AKAP13: variants seen among roughly 807,000 people sequenced by gnomAD.
The protein encoded by AKAP13 is A-kinase anchor protein 13.
A neutral mutation model predicts 264.5 loss-of-function variants in AKAP13; 80 were observed. The ratio of observed to expected loss-of-function variants is 0.30; its 90% CI spans 0.25 to 0.36. The LOEUF is 0.36. Ranked by LOEUF, AKAP13 falls within the 10% of genes least tolerant of loss-of-function variation. AKAP13 has a pLI of 1.00. For missense variants in AKAP13, 3,712 were observed against 3,435.2 expected, an observed-to-expected ratio of 1.08 and a Z score of -2.01; for synonymous variants, 1,380 against 1,250.2, an observed-to-expected ratio of 1.10 and a Z score of -2.19.
intron 5 of AKAP13, among the ~76,000 whole-genome samples, chr15:85,559,405 C>CCTGTG (rs1002093638): frequency 6.6e-6 from 1 of 151,940 alleles, no homozygotes; most frequent in African/African-American, 2.4e-5. Context: ...TTTTCATGGA[C>CCTGTG]CTGTGGGAGG....
intron 27 of AKAP13, 144 bp downstream of exon 27, chr15:85,726,630 T>C: frequency 1.5e-6 from 1 of 671,278 alleles, no homozygotes; most frequent in Non-Finnish European, 2.5e-6. Context: ...CCACATGCCC[T>C]CAGAATTTTC....
chr15:85,393,458 G>A lies in AKAP13; in HGVS notation c.-12+12660G>A, dbSNP rs371595653. ...AGTAATAGCCAAAGCTTTTGCTTGG[G>A]CATTCCTGCCAAAATAGTGCTGTGT... On this transcript the variant is annotated intron_variant, in intron 1 of 36. Transcript: ENST00000394518. Among the ~76,000 whole-genome samples, 40 of 152,334 alleles carry A rather than the reference G, an allele frequency of 2.6e-4. No individual in the cohort carries two copies. The South Asian group carries it at 8.1e-3, about 31-fold the overall frequency.
intron 4 of AKAP13, chr15:85,535,009 C>T (rs1051382832): frequency 1.1e-4 from 16 of 152,146 alleles, no homozygotes; most frequent in Non-Finnish European, 8.8e-5. Flanking sequence ...TGTTAGAGCT[C>T]CTGCCAGAAG....
At chr15:85,600,657 G>T (rs891467148) in intron 8 of AKAP13, among the ~76,000 whole-genome samples, 1 of 152,126 alleles carries the variant, frequency 6.6e-6, no homozygotes, top group Non-Finnish European at 1.5e-5. Context: ...TTTAACAAAT[G>T]CATGACATTA....
rs142865003 is a variant in AKAP13, at chr15:85,455,026, A to T, written c.-11-30684A>T. On this transcript the variant is annotated intron_variant, in intron 1 of 36. Transcript: ENST00000394518. ...GTTCATTTGGGAGTTTCAGTGAAGGACCTGGGTGTTTTGATGGAAGTACAT... is the reference window on the plus strand; with the variant it reads ...GTTCATTTGGGAGTTTCAGTGAAGGTCCTGGGTGTTTTGATGGAAGTACAT... Among the ~76,000 whole-genome samples, 388 of 152,254 alleles carry T rather than the reference A, an allele frequency of 2.5e-3. 1 individual carries two copies. The highest frequency in any genetic ancestry group is 4.3e-3 in the Non-Finnish European group (293 of 68,012).
chr15:85,567,875 A>G (rs1374629585), intron 5 of AKAP13, among the ~76,000 whole-genome samples: 1 of 151,976 alleles, frequency 6.6e-6, no homozygotes, highest in Non-Finnish European at 1.5e-5. Context: ...CACACCTAAT[A>G]TGGAGCTTCT....
chr15:85,743,660 C>T lies in AKAP13; in HGVS notation c.8227C>T (p.Pro2743Ser), dbSNP rs747404038. 14 of 1,614,028 alleles carry T rather than the reference C, an allele frequency of 8.7e-6. No homozygotes were observed. Among genetic ancestry groups the T allele is most frequent in the Admixed American group, 1.7e-5 (1 of 59,996 alleles). Residue 2743 changes from proline to serine, a missense_variant, in exon 36 of 37, where the codon CCT becomes TCT. Pro to Ser is a moderately conservative substitution (Grantham distance 74). Coordinates refer to ENST00000394518, the MANE Select transcript of AKAP13 (RefSeq NM_007200.5). The stretch of plus-strand genomic sequence containing the variant: ...CTCTCGGACACACAAAGATAAGGGG[C>T]CTTTTCACATACTGAGTTCAACCAG... ...SISRTHKDKGPFHILSSTSQT... is the reference protein window; with the variant it reads ...SISRTHKDKGSFHILSSTSQT...
intron 3 of AKAP13, among the ~76,000 whole-genome samples, chr15:85,522,922 A>ACC (rs2076876380): frequency 3.7e-4 from 26 of 69,626 alleles, no homozygotes; most frequent in African/African-American, 1.3e-3. Flanking sequence ...CCCCACCCCC[A>ACC]CCCACACCCC....
chr15:85,665,121 T>G (rs1207601516), intron 13 of AKAP13, among the ~76,000 whole-genome samples: 4 of 152,126 alleles, frequency 2.6e-5, no homozygotes, highest in Non-Finnish European at 5.9e-5. Flanking sequence ...GAGGATTACT[T>G]GAGACCAGGA....
At chr15:85,730,884 C>T (rs1270692737) in intron 30 of AKAP13, among the ~76,000 whole-genome samples, 177 bp downstream of exon 30, 1 of 151,918 alleles carries the variant, frequency 6.6e-6, no homozygotes, top group African/African-American at 2.4e-5. Flanking sequence ...CTACTCACAT[C>T]AAGAACTTAA....
intron 1 of AKAP13, among the ~76,000 whole-genome samples, chr15:85,465,248 G>A (rs917918728): frequency 2.0e-5 from 3 of 151,856 alleles, no homozygotes; most frequent in Admixed American, 6.6e-5. Context: ...CACCACGCCC[G>A]GCCAGGCATT....
chr15:85,537,730 T>A (rs2077447854), intron 4 of AKAP13, among the ~76,000 whole-genome samples: 1 of 152,224 alleles, frequency 6.6e-6, no homozygotes, highest in Admixed American at 6.5e-5. Context: ...TGCAAAATAC[T>A]CAATCTCTCT....
chr15:85,689,848 C>G (rs1225331020), intron 16 of AKAP13: 1 of 152,236 alleles, frequency 6.6e-6, no homozygotes, highest in Non-Finnish European at 1.5e-5. Flanking sequence ...CAGCAGCATT[C>G]AAACAGTTAA....
intron 1 of AKAP13, among the ~76,000 whole-genome samples, chr15:85,470,501 T>C (rs1263473910): frequency 1.3e-5 from 2 of 152,178 alleles, no homozygotes; most frequent in Non-Finnish European, 2.9e-5. Flanking sequence ...CATTAAAACA[T>C]TATAGTTTGT....
At chr15:85,389,029 G>A (rs1045452844) in intron 1 of AKAP13, among the ~76,000 whole-genome samples, 1 of 152,174 alleles carries the variant, frequency 6.6e-6, no homozygotes, top group Admixed American at 6.5e-5. Flanking sequence ...CTCTCCTTGA[G>A]GACTCTATTC....
Position 85,741,029 on chromosome 15 carries a change from C to T in AKAP13, c.7609-17C>T, listed in dbSNP as rs747656320. 1.3e-6 allele frequency: 2 copies of T among 1,591,142 alleles called. No homozygotes were observed. Among genetic ancestry groups the T allele is most frequent in the South Asian group, 1.1e-5 (1 of 87,270 alleles). On this transcript the variant is annotated splice_polypyrimidine_tract_variant and intron_variant, in intron 34 of 36. Transcript: ENST00000394518. The stretch of plus-strand genomic sequence containing the variant: ...TCCTGGCCAGAGTTGCAGGGCTCCC[C>T]TCTGTGTGCCTCCCAGGGTGTGGTG...
intron 1 of AKAP13, among the ~76,000 whole-genome samples, chr15:85,394,244 T>G (rs904988345): frequency 6.6e-6 from 1 of 152,238 alleles, no homozygotes; most frequent in Admixed American, 6.5e-5. Context: ...ACATCTTTTC[T>G]TACCTGCCTA....
intron 14 of AKAP13, chr15:85,671,038 G>A (rs117635704): frequency 6.6e-5 from 10 of 152,064 alleles, no homozygotes; most frequent in African/African-American, 1.2e-4. Context: ...ATTCTCATCA[G>A]AGAGGGAGTG....
chr15:85,460,122 T>G (rs867242195), intron 1 of AKAP13, among the ~76,000 whole-genome samples: 157 of 152,342 alleles, frequency 1.0e-3, no homozygotes, highest in African/African-American at 3.7e-3. Context: ...TTACAGACTT[T>G]TAATGGCTTC....
Sources: gnomAD v4.1 joint callset for allele counts (sites outside exome capture counted in the v4.1 genomes callset) on GRCh38, gnomAD v4.1.1 for gene constraint, MANE v1.5 for transcripts, NCBI Gene and HGNC (gene_info 2026-07-23, HGNC 2026-07-21) for gene names.